Variants in MAMDC2 observed in about 807,000 individuals in gnomAD.
The protein encoded by MAMDC2 is MAM domain containing 2.
In MAMDC2, 57 loss-of-function variants were observed where a neutral mutation model predicts 89.8. The ratio of observed to expected loss-of-function variants is 0.63; its 90% CI spans 0.51 to 0.79. MAMDC2 has a LOEUF of 0.79. MAMDC2 is among the 30% of genes least tolerant of loss of function. The pLI, the probability that MAMDC2 is intolerant of heterozygous loss-of-function variation, is 0.00. For synonymous variants in MAMDC2, 313 were observed against 293.4 expected, an observed-to-expected ratio of 1.07 and a Z score of -0.68; for missense variants, 800 against 820.6, an observed-to-expected ratio of 0.97 and a Z score of 0.31.
intron 5 of MAMDC2, among the ~76,000 whole-genome samples, chr9:70,121,098 T>C (rs2030263185): frequency 6.6e-6 from 1 of 152,204 alleles, no homozygotes; most frequent in African/African-American, 2.4e-5. Context: ...AGGATGCCTC[T>C]GGCACCGCGG....
At chr9:70,046,528 GC>G (rs1826757793) in intron 2 of MAMDC2, among the ~76,000 whole-genome samples, 1 of 152,178 alleles carries the variant, frequency 6.6e-6, no homozygotes, top group Admixed American at 6.5e-5. Flanking sequence ...CAGGATGGGG[GC>G]CCCCTCACAG....
chr9:70,059,850 G>A lies in MAMDC2; in HGVS notation c.148+15153G>A, dbSNP rs1326383969. 2.0e-5 allele frequency among the ~76,000 whole-genome samples: 3 copies of A among 152,288 alleles called. No homozygotes were observed. The South Asian group carries it at 6.2e-4, about 32-fold the overall frequency. ...AAATACCCAATTCATGAGCTCCCTTGACTGGAGGCTCAGTACACTTGATTC... is the reference window on the plus strand; with the variant it reads ...AAATACCCAATTCATGAGCTCCCTTAACTGGAGGCTCAGTACACTTGATTC... On this transcript the variant is annotated intron_variant, in intron 2 of 13. Transcript: ENST00000377182.
intron 9 of MAMDC2, among the ~76,000 whole-genome samples, chr9:70,159,034 T>C (rs2118481643): frequency 6.9e-6 from 1 of 145,812 alleles, no homozygotes. Flanking sequence ...AACATATATG[T>C]GTGCATGCAT....
chr9:70,177,702 G>A (rs1342777949), intron 11 of MAMDC2, among the ~76,000 whole-genome samples: 1 of 152,110 alleles, frequency 6.6e-6, no homozygotes, highest in African/African-American at 2.4e-5. Context: ...AGCAGTAACT[G>A]GTGGAGCAAA....
intron 4 of MAMDC2, among the ~76,000 whole-genome samples, chr9:70,112,268 G>C (rs879378014): frequency 6.6e-5 from 10 of 152,136 alleles, no homozygotes; most frequent in Non-Finnish European, 1.0e-4. Context: ...ATTGTTGATG[G>C]AGACCAATAT....
intron 2 of MAMDC2, among the ~76,000 whole-genome samples, chr9:70,049,270 G>A (rs58305401): frequency 6.6e-6 from 1 of 152,278 alleles, no homozygotes; most frequent in South Asian, 2.1e-4. Context: ...ATGTGTGTTT[G>A]TCTCTCTGAT....
intron 9 of MAMDC2, among the ~76,000 whole-genome samples, chr9:70,164,468 T>A (rs1320531483): frequency 2.0e-5 from 3 of 152,176 alleles, no homozygotes; most frequent in African/African-American, 7.2e-5. Context: ...ATATTCTCCA[T>A]CAGGACAAAC....
intron 11 of MAMDC2, among the ~76,000 whole-genome samples, chr9:70,211,938 C>T (rs1192550733): frequency 6.6e-6 from 1 of 152,238 alleles, no homozygotes; most frequent in Non-Finnish European, 1.5e-5. Context: ...GGCTGCAGAA[C>T]AGCAAATATT....
chr9:70,082,038 G>A (rs1272650089), intron 2 of MAMDC2: 1 of 152,164 alleles, frequency 6.6e-6, no homozygotes, highest in Non-Finnish European at 1.5e-5. Context: ...GACTGTCACA[G>A]CTCCAGTGTC....
chr9:70,218,219 C>T (rs1410530671), intron 11 of MAMDC2, 118 bp from the exon 12 acceptor site: 3 of 1,116,782 alleles, frequency 2.7e-6, no homozygotes, highest in Non-Finnish European at 3.7e-6. Flanking sequence ...ATTATAAAAC[C>T]CTTTATCAGT....
intron 2 of MAMDC2, among the ~76,000 whole-genome samples, chr9:70,047,377 G>A (rs866734931): frequency 4.6e-5 from 7 of 151,604 alleles, no homozygotes; most frequent in East Asian, 1.9e-4. Flanking sequence ...AACAGGCCCC[G>A]GTGTGTGAAG....
intron 11 of MAMDC2, among the ~76,000 whole-genome samples, chr9:70,209,274 T>A (rs2033299485): frequency 6.6e-6 from 1 of 152,190 alleles, no homozygotes; most frequent in African/African-American, 2.4e-5. Context: ...CTTTTTTTGG[T>A]TGGTAGGCTA....
chr9:70,079,614 C>T (rs975030882), intron 2 of MAMDC2, among the ~76,000 whole-genome samples: 8 of 152,146 alleles, frequency 5.3e-5, no homozygotes, highest in African/African-American at 1.4e-4. Context: ...GAGCACTGGA[C>T]TAATTGCTTC....
At chr9:70,192,575 C>T (rs765457835) in intron 11 of MAMDC2, among the ~76,000 whole-genome samples, 1 of 152,038 alleles carries the variant, frequency 6.6e-6, no homozygotes, top group Non-Finnish European at 1.5e-5. Context: ...ATTTATATTG[C>T]CTTTGGCTTT....
chr9:70,112,569 C>T (rs1271982395), intron 4 of MAMDC2, among the ~76,000 whole-genome samples: 3 of 152,092 alleles, frequency 2.0e-5, no homozygotes, highest in Non-Finnish European at 4.4e-5. Context: ...CGAGCATAAC[C>T]CTGAACAGCT....
At chr9:70,081,844 A>T (rs1433152836) in intron 2 of MAMDC2, 2 of 143,668 alleles carry the variant, frequency 1.4e-5, no homozygotes, top group South Asian at 2.2e-4. Flanking sequence ...ATTTCATGAG[A>T]TCTTTTTTTT....
chr9:70,146,770 TAA>T (rs897429346), intron 9 of MAMDC2, among the ~76,000 whole-genome samples: 12 of 147,438 alleles, frequency 8.1e-5, no homozygotes, highest in Middle Eastern at 4.1e-3. Context: ...CCATCTCTAC[TAA>T]AAAAATACAA....
intron 6 of MAMDC2, among the ~76,000 whole-genome samples, chr9:70,129,046 C>T (rs760315050): frequency 6.6e-6 from 1 of 152,176 alleles, no homozygotes; most frequent in East Asian, 1.9e-4. Context: ...CTCATTTAAT[C>T]TCCTCAACAG....
At chr9:70,123,480 C>T (rs1355668219) in intron 5 of MAMDC2, among the ~76,000 whole-genome samples, 1 of 152,034 alleles carries the variant, frequency 6.6e-6, no homozygotes, top group African/African-American at 2.4e-5. Context: ...AAAGTGGAGC[C>T]AACAGTGGTT....
Sources: allele counts gnomAD v4.1 joint callset (sites outside exome capture counted in the v4.1 genomes callset), GRCh38; gene constraint gnomAD v4.1.1; transcripts MANE v1.5; gene names NCBI Gene and HGNC (gene_info 2026-07-23, HGNC 2026-07-21).